The following ARHGAP15 variants were observed in gnomAD, a reference collection of about 807,000 sequenced individuals.
ARHGAP15 encodes the protein rho GTPase-activating protein 15.
A neutral mutation model predicts 63.7 loss-of-function variants in ARHGAP15; 51 were observed. The ratio of observed to expected loss-of-function variants is 0.80; its 90% CI spans 0.64 to 1.01. The LOEUF is 1.01. Ranked by LOEUF, ARHGAP15 falls within the 50% of genes least tolerant of loss-of-function variation. The probability of loss-of-function intolerance (pLI) is 0.00; values close to 1 mark genes in which losing one functional copy is unlikely to be tolerated. For missense variants in ARHGAP15, 560 were observed against 564.6 expected (o/e 0.99, Z 0.08); for synonymous variants, 191 against 193.8 (o/e 0.99, Z 0.12).
At chr2:143,304,434 TCA>T (rs1422583236) in intron 6 of ARHGAP15, among the ~76,000 whole-genome samples, 1 of 151,756 alleles carries the variant, frequency 6.6e-6, no homozygotes, top group Non-Finnish European at 1.5e-5. Context: ...AAGGGGAACA[TCA>T]CACACCAGGG....
intron 2 of ARHGAP15, among the ~76,000 whole-genome samples, chr2:143,169,344 T>C (rs1690674769): frequency 6.6e-6 from 1 of 151,922 alleles, no homozygotes; most frequent in African/African-American, 2.4e-5. Flanking sequence ...TCATGGGGTG[T>C]TTTTACCTAT....
intron 8 of ARHGAP15, among the ~76,000 whole-genome samples, chr2:143,459,702 A>G (rs1048825911): frequency 6.6e-6 from 1 of 152,216 alleles, no homozygotes; most frequent in African/African-American, 2.4e-5. Context: ...ATTCAAAGAA[A>G]ACTAAAAGTC....
At chr2:143,259,630 A>C (rs879460586) in intron 6 of ARHGAP15, among the ~76,000 whole-genome samples, 1 of 152,136 alleles carries the variant, frequency 6.6e-6, no homozygotes, top group Non-Finnish European at 1.5e-5. Flanking sequence ...TGCTCTCGGG[A>C]GGTATTTAAA....
chr2:143,546,575 C>A (rs1695340533), intron 10 of ARHGAP15, among the ~76,000 whole-genome samples: 1 of 152,076 alleles, frequency 6.6e-6, no homozygotes, highest in Non-Finnish European at 1.5e-5. Context: ...TGTGGCCACC[C>A]CACTGCTGTG....
At chr2:143,438,493 C>CATTAAA (rs1689717688) in intron 8 of ARHGAP15, among the ~76,000 whole-genome samples, 1 of 152,144 alleles carries the variant, frequency 6.6e-6, no homozygotes, top group African/African-American at 2.4e-5. Flanking sequence ...TAGAAGCACC[C>CATTAAA]TTTTGAAATT....
chr2:143,414,667 C>T (rs1688602354), intron 6 of ARHGAP15, among the ~76,000 whole-genome samples: 1 of 152,210 alleles, frequency 6.6e-6, no homozygotes, highest in African/African-American at 2.4e-5. Context: ...GGCATGGTGG[C>T]TCACATCTCT....
chr2:143,518,026 C>A (rs762731816), intron 9 of ARHGAP15, among the ~76,000 whole-genome samples: 4 of 152,096 alleles, frequency 2.6e-5, no homozygotes, highest in Non-Finnish European at 5.9e-5. Context: ...CCCTTGGACC[C>A]ACTAAATATT....
At chr2:143,374,070 TACTC>T (rs1298603391) in intron 6 of ARHGAP15, among the ~76,000 whole-genome samples, 4 of 152,212 alleles carry the variant, frequency 2.6e-5, no homozygotes, top group Non-Finnish European at 5.9e-5. Flanking sequence ...ATTATTCTGT[TACTC>T]ACATATAACT....
chr2:143,424,069 A>G (rs984976312), intron 6 of ARHGAP15, among the ~76,000 whole-genome samples: 1 of 152,088 alleles, frequency 6.6e-6, no homozygotes, highest in Non-Finnish European at 1.5e-5. Context: ...TCATCTTTCT[A>G]TGGTCTAGAG....
At chr2:143,439,654 T>G (rs5016546) in intron 8 of ARHGAP15, among the ~76,000 whole-genome samples, 2 of 151,548 alleles carry the variant, frequency 1.3e-5, no homozygotes, top group Admixed American at 6.6e-5. Context: ...ATTAGTTACC[T>G]TATTTTATAG....
At chr2:143,616,272 G>A (rs1698446227) in intron 11 of ARHGAP15, among the ~76,000 whole-genome samples, 1 of 152,110 alleles carries the variant, frequency 6.6e-6, no homozygotes, top group South Asian at 2.1e-4. Flanking sequence ...TTCCATCTGT[G>A]GCACCTGCTT....
intron 3 of ARHGAP15, among the ~76,000 whole-genome samples, chr2:143,204,982 G>A (rs971351738): frequency 2.6e-5 from 4 of 152,042 alleles, no homozygotes; most frequent in African/African-American, 9.6e-5. Flanking sequence ...ACCCATAGTG[G>A]CCAGGTGTGG....
chr2:143,764,880 T>TACTA (rs1235552383), intron 13 of ARHGAP15, among the ~76,000 whole-genome samples: 1 of 152,214 alleles, frequency 6.6e-6, no homozygotes, highest in Non-Finnish European at 1.5e-5. Context: ...CCTAATGTTC[T>TACTA]ACTACCCTGT....
intron 9 of ARHGAP15, among the ~76,000 whole-genome samples, chr2:143,518,113 C>T (rs2104979575): frequency 6.6e-6 from 1 of 152,234 alleles, no homozygotes; most frequent in Middle Eastern, 3.4e-3. Flanking sequence ...GGTTGCACAA[C>T]ATTGTGAATG....
intron 6 of ARHGAP15, among the ~76,000 whole-genome samples, chr2:143,407,727 C>T (rs1195624834): frequency 1.3e-5 from 2 of 151,112 alleles, no homozygotes; most frequent in Non-Finnish European, 3.0e-5. Context: ...TGTCATTGTA[C>T]CTATTCTATT....
chr2:143,585,558 G>C (rs1057032562), intron 11 of ARHGAP15, among the ~76,000 whole-genome samples: 6 of 152,184 alleles, frequency 3.9e-5, no homozygotes, highest in African/African-American at 1.4e-4. Flanking sequence ...TTTATGTTTA[G>C]TTCTACTTGA....
chr2:143,506,674 A>C (rs1318794204), intron 9 of ARHGAP15, among the ~76,000 whole-genome samples: 1 of 152,220 alleles, frequency 6.6e-6, no homozygotes, highest in Admixed American at 6.5e-5. Context: ...GTACGTCAAC[A>C]GTCAGCTGAA....
At chr2:143,514,361 A>G (rs1693714778) in intron 9 of ARHGAP15, among the ~76,000 whole-genome samples, 1 of 152,218 alleles carries the variant, frequency 6.6e-6, no homozygotes, top group Admixed American at 6.5e-5. Context: ...GTGCCATAAA[A>G]TTTGGTAAGG....
At chr2:143,142,507 C>A (rs1034870116) in intron 1 of ARHGAP15, among the ~76,000 whole-genome samples, 1 of 151,942 alleles carries the variant, frequency 6.6e-6, no homozygotes, top group East Asian at 1.9e-4. Context: ...TAAAAAAAAT[C>A]ATTAAAAGAT....
Sources: gnomAD v4.1 joint callset for allele counts (sites outside exome capture counted in the v4.1 genomes callset) on GRCh38, gnomAD v4.1.1 for gene constraint, MANE v1.5 for transcripts, NCBI Gene and HGNC (gene_info 2026-07-23, HGNC 2026-07-21) for gene names.